SH3D21: variants seen among roughly 807,000 people sequenced by gnomAD.
The protein encoded by SH3D21 is SH3 domain-containing protein 21.
SH3D21 carries 83 observed loss-of-function variants against 82.1 expected under a neutral mutation model. The ratio of observed to expected loss-of-function variants is 1.01; its 90% CI spans 0.85 to 1.21. SH3D21 has a LOEUF of 1.21. Among genes scored for constraint, SH3D21 ranks in the 50% most tolerant of loss-of-function variants. The pLI, the probability that SH3D21 is intolerant of heterozygous loss-of-function variation, is 0.00. For missense variants in SH3D21, 980 were observed against 962.1 expected, an observed-to-expected ratio of 1.02 and a Z score of -0.25; for synonymous variants, 383 against 387.8, an observed-to-expected ratio of 0.99 and a Z score of 0.15.
At chr1:36,325,327 G>A (rs956252758), downstream of SH3D21, among the ~76,000 whole-genome samples, 1 of 152,072 alleles carries the variant, frequency 6.6e-6, no homozygotes, top group Non-Finnish European at 1.5e-5. Context: ...CCATCATGCC[G>A]GCCAATAGTG....
downstream of SH3D21, chr1:36,322,775 T>C: frequency 2.0e-6 from 3 of 1,525,244 alleles, no homozygotes; most frequent in Non-Finnish European, 2.7e-6. Context: ...GGGTGGGGGT[T>C]GTCCCACTTC....
At position 36,320,909 on chromosome 1, in the gene SH3D21, C is replaced by A; in HGVS notation, c.2136-6C>A. 6.4e-7 allele frequency: 1 copy of A among 1,560,972 alleles called. No homozygotes were observed. The highest frequency in any genetic ancestry group is 8.7e-7 in the Non-Finnish European group (1 of 1,152,554). On this transcript the variant is annotated splice_polypyrimidine_tract_variant and splice_region_variant and intron_variant, in intron 14 of 15. Coordinates refer to ENST00000453908, the MANE Select transcript of SH3D21 (RefSeq NM_001162530.2). ...CCCAGCCCCTCACCTCCGCCTCGGCCCGCAGGAGGAAGCTGACCGACATCT... is the reference window on the plus strand; with the variant it reads ...CCCAGCCCCTCACCTCCGCCTCGGCACGCAGGAGGAAGCTGACCGACATCT...
At position 36,308,470 on chromosome 1, in the gene SH3D21, C is replaced by A. The variant is rs772425814; in HGVS notation, c.721C>A (p.Pro241Thr). The change falls in exon 9 of 16, where the codon CCC becomes ACC. Residue 241 changes from proline (P) to threonine (T), a missense_variant. Transcript: ENST00000453908. ...VFPDNFVLPP[P>T]PIKKLVPRKV... ...TCCAGACAACTTTGTACTCCCACCA[C>A]CCCCAGTGAGTACAGAGCCAAGACA... 5 of 1,551,254 alleles carry A rather than the reference C, an allele frequency of 3.2e-6. No individual in the cohort carries two copies. The African/African-American group carries it at 6.9e-5, about 21-fold the overall frequency.
At position 36,319,520 on chromosome 1, in the gene SH3D21, G is replaced by A. The variant is rs915353804; in HGVS notation, c.995G>A (p.Arg332His). Residue 332 changes from arginine (R) to histidine (H), a missense_variant, in exon 13 of 16, where the codon CGC (arginine) becomes CAC (histidine). Physicochemically the swap from Arg to His is conservative, Grantham distance 29. Coordinates refer to ENST00000453908, the MANE Select transcript of SH3D21 (RefSeq NM_001162530.2). ...TCCAAAACCCAGACTCCCCAGCAAC[G>A]CTCTGTGTCCAGTCAGGTGAGGGGC... The part of the protein sequence containing the change: ...KRSKTQTPQQ[R>H]SVSSQEEEHS... The A allele has an allele frequency of 1.5e-5, 23 of 1,551,584 alleles. No homozygotes were observed. Among genetic ancestry groups the A allele is most frequent in the Admixed American group, 3.9e-5 (2 of 50,968 alleles).
At chr1:36,329,972 T>A (rs1440276101), downstream of SH3D21, among the ~76,000 whole-genome samples, 1 of 152,162 alleles carries the variant, frequency 6.6e-6, no homozygotes, top group African/African-American at 2.4e-5. Flanking sequence ...ACTGCCGCCC[T>A]GCACTGACCC....
At chr1:36,322,770 G>A (rs773606790), downstream of SH3D21, 54 of 1,531,044 alleles carry the variant, frequency 3.5e-5, no homozygotes, top group Non-Finnish European at 4.4e-5. Context: ...CGGACGGGTG[G>A]GGGTTGTCCC....
At chr1:36,319,617 C>T in intron 13 of SH3D21, 58 bp from the exon 14 acceptor site, 1 of 1,549,908 alleles carries the variant, frequency 6.5e-7, no homozygotes, top group East Asian at 2.4e-5. Context: ...GTGAAGTCTC[C>T]CAGGCCAAGG....
rs980317389 is a variant in SH3D21 at position 36,307,826 on chromosome 1, G to T, written c.492+1G>T. The stretch of plus-strand genomic sequence containing the variant: ...CCCTGGTCCCCAGCGGCCTCCCAAG[G>T]TAAGTTGGCTCAGAGTAGGCACAGA... On this transcript the variant is annotated splice_donor_variant, in intron 6 of 15. Transcript: ENST00000453908. LOFTEE classifies it high-confidence loss of function. This position sits in a 1 kb window ranked among gnomAD's most constrained non-coding sequence, Gnocchi z 5.4. 1.3e-6 allele frequency: 2 copies of T among 1,551,790 alleles called. No individual in the cohort carries two copies. The highest frequency in any genetic ancestry group is 3.9e-5 in the Admixed American group (2 of 50,990).
chr1:36,306,502 G>A lies in SH3D21; in HGVS notation c.4+78G>A, dbSNP rs1646122416. 1 of 1,304,608 alleles carries A rather than the reference G, an allele frequency of 7.7e-7. No individual in the cohort carries two copies. Among genetic ancestry groups the A allele is most frequent in the Non-Finnish European group, 1.0e-6 (1 of 988,726 alleles). 80.8% of individuals were successfully genotyped at this position (1,304,608 alleles called of 1,614,324 possible). On this transcript the variant is annotated intron_variant, in intron 1 of 15. Coordinates refer to ENST00000453908, the MANE Select transcript of SH3D21 (RefSeq NM_001162530.2). The surrounding 1 kb of genome is among the most constrained non-coding windows in gnomAD (Gnocchi z 4.5). ...GAGCCCACACCACCCCCCGACCCCC[G>A]CTGCCCTCTACGGTGCTTGGGGACA...
At chr1:36,322,973 C>T (rs138179641), downstream of SH3D21, 3 of 1,605,646 alleles carry the variant, frequency 1.9e-6, no homozygotes, top group Non-Finnish European at 2.5e-6. Context: ...GCCCTCACCG[C>T]GGATGTGCGC....
chr1:36,323,169 C>T, downstream of SH3D21: 5 of 988,644 alleles, frequency 5.1e-6, no homozygotes, highest in Non-Finnish European at 4.4e-6. Context: ...CAGGTTCCAC[C>T]CTGGAGAGAG....
downstream of SH3D21, chr1:36,323,080 C>T: frequency 6.3e-7 from 1 of 1,587,794 alleles, no homozygotes; most frequent in Non-Finnish European, 8.5e-7. Context: ...GCGAGGTCAG[C>T]AAAGTCAGAT....
At chr1:36,327,559 C>G (rs935814586), downstream of SH3D21, among the ~76,000 whole-genome samples, 1 of 152,222 alleles carries the variant, frequency 6.6e-6, no homozygotes, top group Non-Finnish European at 1.5e-5. Flanking sequence ...TCTCTGCCTG[C>G]AGGCAAAAGT....
intron 10 of SH3D21, among the ~76,000 whole-genome samples, chr1:36,310,447 C>A (rs912634950): frequency 6.6e-6 from 1 of 152,014 alleles, no homozygotes; most frequent in African/African-American, 2.4e-5. Flanking sequence ...AACCTTGTCT[C>A]TACTATAAAA....
chr1:36,321,201 C>A lies in SH3D21; in HGVS notation c.*74C>A, dbSNP rs1646456631. 2.6e-6 allele frequency: 4 copies of A among 1,553,732 alleles called. No homozygotes were observed. Among genetic ancestry groups the A allele is most frequent in the Admixed American group, 3.9e-5 (2 of 51,726 alleles). ...CGTCCTTGCACACGACTTTGGGAAACGCGAGAAAGTAAACTCTGCCTAGCA... is the reference window on the plus strand; with the variant it reads ...CGTCCTTGCACACGACTTTGGGAAAAGCGAGAAAGTAAACTCTGCCTAGCA... On this transcript the variant is annotated 3_prime_UTR_variant, in exon 16 of 16. Transcript: ENST00000453908. This position sits in a 1 kb window ranked among gnomAD's most constrained non-coding sequence, Gnocchi z 6.1.
intron 8 of SH3D21, 79 bp downstream of exon 8, chr1:36,308,288 C>A: frequency 1.4e-6 from 2 of 1,476,706 alleles, no homozygotes; most frequent in Non-Finnish European, 1.8e-6. Flanking sequence ...CCCCCTGAAT[C>A]TAAAATAAAC....
rs1260826248 is a variant in SH3D21 at position 36,308,198 on chromosome 1, G to C, written c.628G>C (p.Val210Leu). 1.9e-6 allele frequency: 3 copies of C among 1,540,782 alleles called. No individual in the cohort carries two copies. The African/African-American group carries it at 4.1e-5, about 21-fold the overall frequency. ...LALRRGDVVK[V>L]LSKTTEDKGW... ...GCTGCGGAGGGGGGACGTGGTAAAA[G>C]TACTCAGCAAGGTGTGAGACGAACA... Residue 210 changes from valine (V) to leucine (L), a missense_variant, in exon 8 of 16, where the codon GTA (valine) becomes CTA (leucine). Val to Leu is a conservative substitution (Grantham distance 32). Transcript: ENST00000453908.
chr1:36,308,397 G>A lies in SH3D21; in HGVS notation c.648G>A (p.Glu216=). 6.4e-7 allele frequency: 1 copy of A among 1,551,938 alleles called. No individual in the cohort carries two copies. The highest frequency in any genetic ancestry group is 8.7e-7 in the Non-Finnish European group (1 of 1,147,040). The change falls in exon 9 of 16, where the codon GAG becomes GAA. Residue 216 remains glutamate (E), a synonymous_variant. Transcript: ENST00000453908. Reference sequence around the variant, plus strand: ...GCGTGTTTCTTTTCCAGACCACAGAGGATAAGGGCTGGTGGGAAGGAGAGT... The same window carrying A: ...GCGTGTTTCTTTTCCAGACCACAGAAGATAAGGGCTGGTGGGAAGGAGAGT... ...DVVKVLSKTT[E]DKGWWEGECQ...
downstream of SH3D21, chr1:36,323,076 T>C (rs775008681): frequency 9.4e-6 from 15 of 1,587,724 alleles, no homozygotes; most frequent in Middle Eastern, 1.7e-4. Context: ...GCCTGCGAGG[T>C]CAGCAAAGTC....
Sources: allele counts gnomAD v4.1 joint callset (sites outside exome capture counted in the v4.1 genomes callset), GRCh38; gene constraint gnomAD v4.1.1; non-coding constraint Gnocchi (gnomAD v3.1); transcripts MANE v1.5; gene names NCBI Gene and HGNC (gene_info 2026-07-23, HGNC 2026-07-21).